Variants in NARS2 observed in about 807,000 individuals in gnomAD.
NARS2 encodes asparaginyl-tRNA synthetase.
NARS2 carries 60 observed loss-of-function variants against 62.9 expected under a neutral mutation model. The observed-to-expected ratio is 0.95, with a 90% CI of 0.77 to 1.18. NARS2 has a LOEUF of 1.18. NARS2 is among the 50% of genes most tolerant of loss of function. The probability of loss-of-function intolerance (pLI) is 0.00; values close to 1 mark genes in which losing one functional copy is unlikely to be tolerated. For missense variants in NARS2, 619 were observed against 576.4 expected (o/e 1.07, Z -0.76); for synonymous variants, 196 against 200.0 (o/e 0.98, Z 0.17).
intron 6 of NARS2, among the ~76,000 whole-genome samples, chr11:78,520,782 A>G (rs1454995566): frequency 6.6e-6 from 1 of 152,160 alleles, no homozygotes; most frequent in Non-Finnish European, 1.5e-5. Flanking sequence ...TAGGCCTGGC[A>G]CAGTGGTTCA....
At chr11:78,440,142 T>C (rs1444924278) in intron 13 of NARS2, among the ~76,000 whole-genome samples, 2 of 152,174 alleles carry the variant, frequency 1.3e-5, no homozygotes, top group Admixed American at 6.5e-5. Flanking sequence ...TGGCTCATTG[T>C]AACCTCCGCC....
intron 6 of NARS2, among the ~76,000 whole-genome samples, chr11:78,502,667 T>C (rs1242051763): frequency 6.6e-6 from 1 of 152,178 alleles, no homozygotes; most frequent in African/African-American, 2.4e-5. Flanking sequence ...AATTTTATCT[T>C]ATGTGTATTT....
Position 78,571,502 on chromosome 11 carries a change from A to G in NARS2, c.142-58T>C, listed in dbSNP as rs778451192. The G allele has an allele frequency of 5.0e-5, 58 of 1,158,682 alleles. 1 individual carries two copies. The Middle Eastern group carries it at 2.9e-3, about 58-fold the overall frequency. 71.8% of individuals were successfully genotyped at this position (1,158,682 alleles called of 1,614,324 possible). ...AAAACATTTTACGTTTTCATTACAC[A>G]TACACACACAGACTAAATGAAAGTA... On this transcript the variant is annotated intron_variant, in intron 1 of 13. Coordinates refer to ENST00000281038, the MANE Select transcript of NARS2 (RefSeq NM_024678.6).
intron 3 of NARS2, among the ~76,000 whole-genome samples, chr11:78,566,811 T>C (rs914159682): frequency 6.6e-6 from 1 of 152,236 alleles, no homozygotes; most frequent in Admixed American, 6.5e-5. Context: ...AAGAAAATTA[T>C]GGCTCCACAT....
chr11:78,552,810 T>C (rs1440837400), intron 5 of NARS2, among the ~76,000 whole-genome samples: 1 of 152,214 alleles, frequency 6.6e-6, no homozygotes, highest in African/African-American at 2.4e-5. Flanking sequence ...TCGGACCACC[T>C]TGGGCACATG....
At chr11:78,499,997 A>G (rs980788983) in intron 6 of NARS2, among the ~76,000 whole-genome samples, 4 of 152,252 alleles carry the variant, frequency 2.6e-5, no homozygotes, top group Admixed American at 2.6e-4. Flanking sequence ...GGACCACTAA[A>G]GAGAACAACA....
At chr11:78,442,099 G>T (rs1857593630) in intron 12 of NARS2, among the ~76,000 whole-genome samples, 1 of 152,176 alleles carries the variant, frequency 6.6e-6, no homozygotes, top group Non-Finnish European at 1.5e-5. Flanking sequence ...CTATTATCAG[G>T]TATTAGGTAA....
chr11:78,465,473 A>T (rs1331064599), intron 11 of NARS2, among the ~76,000 whole-genome samples: 4 of 152,244 alleles, frequency 2.6e-5, no homozygotes. Context: ...TCTCAGTGCC[A>T]CTGCTCTCAT....
chr11:78,455,499 A>G (rs1858127109), intron 11 of NARS2, among the ~76,000 whole-genome samples: 1 of 152,200 alleles, frequency 6.6e-6, no homozygotes. Flanking sequence ...GAACAATAGC[A>G]GTACCCCAAA....
intron 5 of NARS2, chr11:78,533,196 T>C (rs946402689): frequency 6.6e-6 from 1 of 152,170 alleles, no homozygotes; most frequent in African/African-American, 2.4e-5. Flanking sequence ...GCAGAAGCCC[T>C]TGGTCAGACT....
intron 13 of NARS2, among the ~76,000 whole-genome samples, chr11:78,438,354 T>C (rs1216133612): frequency 6.6e-6 from 1 of 152,148 alleles, no homozygotes; most frequent in African/African-American, 2.4e-5. Context: ...CTGAAATGTT[T>C]AGTTGCTAAA....
At chr11:78,471,465 T>C (rs1366230304) in intron 9 of NARS2, among the ~76,000 whole-genome samples, 1 of 152,218 alleles carries the variant, frequency 6.6e-6, no homozygotes, top group Non-Finnish European at 1.5e-5. Flanking sequence ...TAATGTATTA[T>C]ACAAACATTT....
chr11:78,501,953 ATAAAC>A (rs1860296817), intron 6 of NARS2, among the ~76,000 whole-genome samples: 1 of 152,184 alleles, frequency 6.6e-6, no homozygotes, highest in South Asian at 2.1e-4. Flanking sequence ...CAATGAATGA[ATAAAC>A]TAAATGTGGT....
chr11:78,461,917 C>T (rs1009999124), intron 11 of NARS2, among the ~76,000 whole-genome samples: 1 of 151,978 alleles, frequency 6.6e-6, no homozygotes, highest in Non-Finnish European at 1.5e-5. Flanking sequence ...CGTGCCATTG[C>T]ACTCCAGCCT....
intron 4 of NARS2, among the ~76,000 whole-genome samples, chr11:78,563,753 C>A (rs1235887892): frequency 7.2e-6 from 1 of 139,522 alleles, no homozygotes; most frequent in Non-Finnish European, 1.5e-5. Flanking sequence ...ATCCCTTGAA[C>A]CCAGGAGGCG....
At chr11:78,452,172 G>A (rs1591134078) in intron 11 of NARS2, among the ~76,000 whole-genome samples, 1 of 151,596 alleles carries the variant, frequency 6.6e-6, no homozygotes, top group Admixed American at 6.6e-5. Flanking sequence ...GTAGTGGTGC[G>A]ATCTCACTCA....
At position 78,541,078 on chromosome 11, in the gene NARS2, G is replaced by C. The variant is rs190270776; in HGVS notation, c.595-12142C>G. Among the ~76,000 whole-genome samples the C allele has an allele frequency of 1.1e-3, 174 of 152,212 alleles. 1 individual carries two copies. The highest frequency in any genetic ancestry group is 3.6e-4 in the African/African-American group (15 of 41,536). Reference sequence around the variant, plus strand: ...GGAGGCTCAGTCATGAGAATTGCTTGACTCTGGGAGGCAGAGGTTGTTGTG... The same window carrying C: ...GGAGGCTCAGTCATGAGAATTGCTTCACTCTGGGAGGCAGAGGTTGTTGTG... On this transcript the variant is annotated intron_variant, in intron 5 of 13. Coordinates refer to ENST00000281038, the MANE Select transcript of NARS2 (RefSeq NM_024678.6).
At chr11:78,532,466 A>C (rs1861514798) in intron 5 of NARS2, among the ~76,000 whole-genome samples, 1 of 152,252 alleles carries the variant, frequency 6.6e-6, no homozygotes, top group Non-Finnish European at 1.5e-5. Context: ...AATGAGAAAG[A>C]AGATATACAG....
At chr11:78,478,198 AATTT>A (rs1313622517) in intron 9 of NARS2, among the ~76,000 whole-genome samples, 1 of 152,042 alleles carries the variant, frequency 6.6e-6, no homozygotes, top group African/African-American at 2.4e-5. Context: ...ATGATTTATT[AATTT>A]ATTGATGAAA....
Sources: allele counts gnomAD v4.1 joint callset (sites outside exome capture counted in the v4.1 genomes callset), GRCh38; gene constraint gnomAD v4.1.1; transcripts MANE v1.5; gene names NCBI Gene and HGNC (gene_info 2026-07-23, HGNC 2026-07-21).